The following SGMS2 variants were observed in gnomAD, a reference collection of about 807,000 sequenced individuals.
SGMS2 encodes the protein phosphatidylcholine:ceramide cholinephosphotransferase 2.
A neutral mutation model predicts 43.8 loss-of-function variants in SGMS2; 21 were observed. The ratio of observed to expected loss-of-function variants is 0.48; its 90% CI spans 0.34 to 0.69. SGMS2 has a LOEUF of 0.69. SGMS2 is among the 30% of genes least tolerant of loss of function. The pLI is 0.01. For missense variants in SGMS2, 384 were observed against 443.2 expected, an observed-to-expected ratio of 0.87 and a Z score of 1.20; for synonymous variants, 167 against 160.6, an observed-to-expected ratio of 1.04 and a Z score of -0.30.
chr4:107,833,972 A>G (rs1726033752), intron 1 of SGMS2, among the ~76,000 whole-genome samples: 1 of 152,236 alleles, frequency 6.6e-6, no homozygotes, highest in African/African-American at 2.4e-5. Flanking sequence ...CAAGGGAATG[A>G]GCTCTCCCGT....
intron 5 of SGMS2, among the ~76,000 whole-genome samples, chr4:107,903,647 C>T (rs1371765078): frequency 6.6e-6 from 1 of 152,146 alleles, no homozygotes; most frequent in Non-Finnish European, 1.5e-5. Flanking sequence ...TAGCATTTAA[C>T]ATGCCTCTAA....
intron 1 of SGMS2, among the ~76,000 whole-genome samples, chr4:107,832,311 A>G (rs191857930): frequency 6.6e-6 from 1 of 152,370 alleles, no homozygotes; most frequent in Admixed American, 6.5e-5. Context: ...CCCTTGAAAT[A>G]TAGTTTCATT....
chr4:107,879,664 G>C (rs1248124127), intron 2 of SGMS2, among the ~76,000 whole-genome samples: 2 of 151,982 alleles, frequency 1.3e-5, no homozygotes, highest in African/African-American at 4.8e-5. Context: ...GTTTTGTCAT[G>C]TTGCCCAGGC....
intron 2 of SGMS2, among the ~76,000 whole-genome samples, chr4:107,858,970 C>T (rs974660590): frequency 5.9e-5 from 9 of 152,120 alleles, no homozygotes; most frequent in South Asian, 2.1e-4. Context: ...AGCAACAGTA[C>T]GGAAATTACT....
rs1727550568 is a variant in SGMS2 at position 107,858,524 on chromosome 4, CTG to C, written c.-273_-272del. 6.6e-6 allele frequency: 1 copy of C among 152,214 alleles called. No homozygotes were observed. Among genetic ancestry groups the C allele is most frequent in the Non-Finnish European group, 1.5e-5 (1 of 68,084 alleles). 9.4% of individuals were successfully genotyped at this position (152,214 alleles called of 1,614,324 possible). On this transcript the variant is annotated 5_prime_UTR_variant, in exon 2 of 7. Transcript: ENST00000690982. The stretch of plus-strand genomic sequence containing the variant: ...CTTCTCCAAAAGGACCTGCCAGAGA[CTG>C]GGAGTGTTGACTGCTGCAAGGACCA...
At position 107,884,958 on chromosome 4, in the gene SGMS2, T is replaced by G. The variant is rs1578609327; in HGVS notation, c.-244-10352T>G. On this transcript the variant is annotated intron_variant, in intron 2 of 6. Coordinates refer to ENST00000690982, the MANE Select transcript of SGMS2 (RefSeq NM_001375905.1). Reference sequence around the variant, plus strand: ...CAGGTTTTCAGGGTTCACACTATAGTTATCCTTTCCTACCAGTGTCTGGGA... The same window carrying G: ...CAGGTTTTCAGGGTTCACACTATAGGTATCCTTTCCTACCAGTGTCTGGGA... Among the ~76,000 whole-genome samples, 7 of 152,298 alleles carry G rather than the reference T, an allele frequency of 4.6e-5. No individual in the cohort carries two copies. In the South Asian group the frequency reaches 1.5e-3, roughly 32 times the overall value.
At chr4:107,902,502 T>C (rs934013586) in intron 4 of SGMS2, among the ~76,000 whole-genome samples, 68 of 152,212 alleles carry the variant, frequency 4.5e-4, no homozygotes, top group African/African-American at 1.6e-3. Context: ...TGTAATGGGG[T>C]ACAAACCTCT....
chr4:107,835,021 C>T (rs1270284372), intron 1 of SGMS2, among the ~76,000 whole-genome samples: 1 of 151,950 alleles, frequency 6.6e-6, no homozygotes, highest in Non-Finnish European at 1.5e-5. Flanking sequence ...GGCAACAGAC[C>T]CCATCTCTAA....
chr4:107,891,231 C>T (rs759725582), intron 2 of SGMS2, among the ~76,000 whole-genome samples: 2 of 150,836 alleles, frequency 1.3e-5, no homozygotes, highest in Non-Finnish European at 2.9e-5. Context: ...AACTTTCCTT[C>T]GGATTTGATC....
At chr4:107,831,524 T>C (rs890531073) in intron 1 of SGMS2, among the ~76,000 whole-genome samples, 2 of 152,212 alleles carry the variant, frequency 1.3e-5, no homozygotes, top group African/African-American at 2.4e-5. Flanking sequence ...TTGAGAGTAA[T>C]GCCTGCTTCA....
chr4:107,903,125 GAAAAAA>G, intron 4 of SGMS2, 102 bp from the exon 5 acceptor site: 1 of 1,042,620 alleles, frequency 9.6e-7, no homozygotes, highest in East Asian at 2.5e-5. Context: ...AGGTTAAAAA[GAAAAAA>G]AAAATCACAA....
intron 2 of SGMS2, among the ~76,000 whole-genome samples, chr4:107,891,568 T>C (rs1457381255): frequency 3.3e-5 from 5 of 151,556 alleles, no homozygotes; most frequent in Non-Finnish European, 5.9e-5. Context: ...ACACAAGGAG[T>C]GAGGTTAAAA....
intron 6 of SGMS2, among the ~76,000 whole-genome samples, chr4:107,909,957 C>T (rs558066702): frequency 1.3e-5 from 2 of 152,194 alleles, no homozygotes; most frequent in Non-Finnish European, 2.9e-5. Context: ...CTACTGACAC[C>T]ACTGAACCAA....
At chr4:107,836,320 C>T (rs1726170655) in intron 1 of SGMS2, among the ~76,000 whole-genome samples, 1 of 152,116 alleles carries the variant, frequency 6.6e-6, no homozygotes. Context: ...ATGACTTTGG[C>T]ATATTGTATT....
At chr4:107,901,922 T>TC (rs765660369) in intron 4 of SGMS2, among the ~76,000 whole-genome samples, 8 of 151,672 alleles carry the variant, frequency 5.3e-5, no homozygotes, top group Non-Finnish European at 1.2e-4. Context: ...TTTTTTTTTT[T>TC]CTGAGATGAG....
chr4:107,832,894 G>A (rs1725969037), intron 1 of SGMS2, among the ~76,000 whole-genome samples: 1 of 151,966 alleles, frequency 6.6e-6, no homozygotes, highest in South Asian at 2.1e-4. Context: ...CAGGTGTAGT[G>A]GTGCACACCT....
intron 2 of SGMS2, among the ~76,000 whole-genome samples, chr4:107,884,504 G>A (rs564746360): frequency 3.2e-4 from 49 of 152,194 alleles, no homozygotes; most frequent in Non-Finnish European, 5.9e-4. Context: ...AAACAAAGGG[G>A]GGGGAAATGT....
rs2126172951 is a variant in SGMS2, at chr4:107,912,124, T to G, written c.*1571T>G. ...GACTACACAAAATTGACCTTTAAGT[T>G]GCTTGAGAAAAACACAATGCAAATC... is the stretch of plus-strand genomic sequence containing the variant. On this transcript the variant is annotated 3_prime_UTR_variant, in exon 7 of 7. Transcript: ENST00000690982. 1 of 152,306 alleles carries G rather than the reference T, an allele frequency of 6.6e-6. No individual in the cohort carries two copies. The highest frequency in any genetic ancestry group is 3.4e-3 in the Middle Eastern group (1 of 294). 9.4% of individuals were successfully genotyped at this position (152,306 alleles called of 1,614,324 possible). A position where few individuals can be genotyped will look rare whatever the true frequency, so the allele number is the denominator to read the frequency against.
Position 107,895,367 on chromosome 4 carries a change from A to T in SGMS2, c.-187A>T. 1 of 577,954 alleles carries T rather than the reference A, an allele frequency of 1.7e-6. No individual in the cohort carries two copies. Among genetic ancestry groups the T allele is most frequent in the Non-Finnish European group, 2.9e-6 (1 of 339,394 alleles). 35.8% of individuals were successfully genotyped at this position (577,954 alleles called of 1,614,324 possible). The stretch of plus-strand genomic sequence containing the variant: ...TGGCTTCCTTTCTTGAAAGTGGTGA[A>T]GGTACAGCATATAGCTGCATGGAAG... On this transcript the variant is annotated 5_prime_UTR_variant, in exon 3 of 7. In the 5' UTR this introduces an upstream ATG that the reference lacks. Coordinates refer to ENST00000690982, the MANE Select transcript of SGMS2 (RefSeq NM_001375905.1).
Sources: gnomAD v4.1 joint callset for allele counts (sites outside exome capture counted in the v4.1 genomes callset) on GRCh38, gnomAD v4.1.1 for gene constraint, MANE v1.5 for transcripts, NCBI Gene and HGNC (gene_info 2026-07-23, HGNC 2026-07-21) for gene names.